The following ZNF385D variants were observed in gnomAD, a reference collection of about 807,000 sequenced individuals.
The protein encoded by ZNF385D is zinc finger protein 659.
In ZNF385D, 15 loss-of-function variants were observed where a neutral mutation model predicts 35.8. That is an observed-to-expected ratio of 0.42 (90% CI 0.28 to 0.64). The LOEUF (loss-of-function observed/expected upper bound fraction) is 0.64. Among genes scored for constraint, ZNF385D ranks in the 30% least tolerant of loss-of-function variants. The pLI is 0.23. For synonymous variants in ZNF385D, 212 were observed against 186.8 expected, an observed-to-expected ratio of 1.13 and a Z score of -1.10; for missense variants, 474 against 494.6, an observed-to-expected ratio of 0.96 and a Z score of 0.39.
chr3:21,730,001 A>G (rs992125324), intron 1 of ZNF385D, among the ~76,000 whole-genome samples: 8 of 152,190 alleles, frequency 5.3e-5, no homozygotes, highest in Admixed American at 1.3e-4. Flanking sequence ...ACTCCCTGCT[A>G]AATAATAGAA....
At chr3:21,813,674 C>T (rs1239106734) in intron 3 of ZNF385D, among the ~76,000 whole-genome samples, 1 of 151,082 alleles carries the variant, frequency 6.6e-6, no homozygotes, top group African/African-American at 2.4e-5. Flanking sequence ...AAGAAATGAA[C>T]AAAGCCTCCA....
chr3:21,688,436 G>C (rs2125335359), intron 1 of ZNF385D, among the ~76,000 whole-genome samples: 1 of 152,002 alleles, frequency 6.6e-6, no homozygotes, highest in Admixed American at 6.6e-5. Context: ...AAATTTAAAG[G>C]TAATTAATAA....
chr3:21,972,762 G>A (rs1026298299), intron 3 of ZNF385D, among the ~76,000 whole-genome samples: 5 of 151,804 alleles, frequency 3.3e-5, no homozygotes, highest in African/African-American at 1.2e-4. Flanking sequence ...TAATACCACA[G>A]AAATTCAAAG....
chr3:21,485,114 A>T (rs2125389819), intron 4 of ZNF385D, among the ~76,000 whole-genome samples: 1 of 152,174 alleles, frequency 6.6e-6, no homozygotes, highest in Admixed American at 6.6e-5. Flanking sequence ...AAATGAGTTT[A>T]CTCCATTTTC....
chr3:22,211,206 GTTA>G (rs1428082469), intron 2 of ZNF385D, among the ~76,000 whole-genome samples: 1 of 151,918 alleles, frequency 6.6e-6, no homozygotes, highest in Non-Finnish European at 1.5e-5. Flanking sequence ...AATATTTATA[GTTA>G]TTATTATATC....
intron 1 of ZNF385D, among the ~76,000 whole-genome samples, chr3:21,712,599 G>A (rs559826387): frequency 6.6e-6 from 1 of 152,204 alleles, no homozygotes; most frequent in South Asian, 2.1e-4. Flanking sequence ...AATGACTTGA[G>A]AAATTTCACT....
chr3:22,251,489 T>G (rs1700062951), intron 2 of ZNF385D, among the ~76,000 whole-genome samples: 1 of 152,122 alleles, frequency 6.6e-6, no homozygotes, highest in African/African-American at 2.4e-5. Flanking sequence ...AAGTGGCTAT[T>G]CATAATTTTA....
intron 3 of ZNF385D, among the ~76,000 whole-genome samples, chr3:21,558,716 CATTG>C (rs1349998912): frequency 2.7e-5 from 4 of 148,788 alleles, no homozygotes; most frequent in African/African-American, 7.5e-5. Flanking sequence ...TTTTCTGTCT[CATTG>C]ATCTAATATT....
intron 1 of ZNF385D, among the ~76,000 whole-genome samples, chr3:21,725,065 T>A (rs180999398): frequency 6.6e-6 from 1 of 152,126 alleles, no homozygotes; most frequent in South Asian, 2.1e-4. Context: ...AACTGAACAA[T>A]GTGCTCCTGA....
chr3:21,927,805 T>C (rs1358320888), intron 3 of ZNF385D, among the ~76,000 whole-genome samples: 1 of 152,210 alleles, frequency 6.6e-6, no homozygotes, highest in Admixed American at 6.5e-5. Flanking sequence ...CATATTCATC[T>C]AACAATAGAG....
intron 1 of ZNF385D, among the ~76,000 whole-genome samples, chr3:21,746,906 A>G (rs2069797163): frequency 6.6e-6 from 1 of 152,214 alleles, no homozygotes; most frequent in South Asian, 2.1e-4. Flanking sequence ...AGCTACAACC[A>G]AAAGTGTAAG....
intron 2 of ZNF385D, among the ~76,000 whole-genome samples, chr3:21,608,012 C>CTTTTTTTTTTTTTTTTTTTTTTTTT (rs368555930): frequency 1.9e-4 from 23 of 123,962 alleles, no homozygotes; most frequent in African/African-American, 6.9e-4. Context: ...TCTTTTTCTT[C>CTTTTTTTTTTTTTTTTTTTTTTTTT]TTTTTTTTTT....
At chr3:21,691,827 C>A (rs2067296439) in intron 1 of ZNF385D, among the ~76,000 whole-genome samples, 1 of 152,178 alleles carries the variant, frequency 6.6e-6, no homozygotes, top group Non-Finnish European at 1.5e-5. Context: ...CTATGCAAAT[C>A]CAGAATGTTT....
intron 1 of ZNF385D, among the ~76,000 whole-genome samples, chr3:21,674,751 C>G (rs150666042): frequency 6.6e-6 from 1 of 152,202 alleles, no homozygotes; most frequent in African/African-American, 2.4e-5. Flanking sequence ...TTCTAGCCAA[C>G]ATTACTAGAC....
At chr3:22,057,332 T>A (rs1699456509) in intron 3 of ZNF385D, among the ~76,000 whole-genome samples, 2 of 152,212 alleles carry the variant, frequency 1.3e-5, no homozygotes, top group Admixed American at 1.3e-4. Flanking sequence ...TGACTAGCAC[T>A]GTTCCTGGAA....
chr3:22,193,302 A>G (rs888341868), intron 2 of ZNF385D, among the ~76,000 whole-genome samples: 1 of 152,082 alleles, frequency 6.6e-6, no homozygotes, highest in Non-Finnish European at 1.5e-5. Flanking sequence ...TAAAATATTG[A>G]GGCAGTAATT....
intron 2 of ZNF385D, among the ~76,000 whole-genome samples, chr3:22,222,083 T>C (rs898990210): frequency 4.6e-5 from 7 of 151,998 alleles, no homozygotes; most frequent in Non-Finnish European, 7.4e-5. Context: ...TTCAAGCAAT[T>C]CTCCTGCCTC....
intron 3 of ZNF385D, among the ~76,000 whole-genome samples, chr3:22,160,732 A>C (rs1437187399): frequency 2.6e-5 from 4 of 152,144 alleles, no homozygotes; most frequent in African/African-American, 7.2e-5. Context: ...TTGCAGATAA[A>C]GCTGAATTAT....
chr3:21,636,585 T>A (rs1231652462), intron 2 of ZNF385D, among the ~76,000 whole-genome samples: 1 of 151,416 alleles, frequency 6.6e-6, no homozygotes, highest in Non-Finnish European at 1.5e-5. Context: ...CCTGGGAGGT[T>A]AAGCCAGTTT....
Sources: gnomAD v4.1 joint callset for allele counts (sites outside exome capture counted in the v4.1 genomes callset) on GRCh38, gnomAD v4.1.1 for gene constraint, MANE v1.5 for transcripts, NCBI Gene and HGNC (gene_info 2026-07-23, HGNC 2026-07-21) for gene names.